UAP1: variants seen among roughly 807,000 people sequenced by gnomAD.
UAP1 encodes the protein UDP-N-acetylhexosamine pyrophosphorylase.
In UAP1, 25 loss-of-function variants were observed where a neutral mutation model predicts 58.5. The ratio of observed to expected loss-of-function variants is 0.43; its 90% CI spans 0.31 to 0.60. The LOEUF is 0.60. Ranked by LOEUF, UAP1 falls within the 20% of genes least tolerant of loss-of-function variation. The pLI is 0.11. For synonymous variants in UAP1, 208 were observed against 213.0 expected (o/e 0.98, Z 0.21); for missense variants, 575 against 630.0 (o/e 0.91, Z 0.93).
chr1:162,599,598 GC>G (rs541671545), exon 11 of UAP1: 40 of 327,846 alleles, frequency 1.2e-4, no homozygotes, highest in Non-Finnish European at 2.2e-4. Flanking sequence ...TTTTTTCCAA[GC>G]CAAGGAGACC....
At chr1:162,600,665 A>G (rs2101858000), downstream of UAP1, among the ~76,000 whole-genome samples, 1 of 150,248 alleles carries the variant, frequency 6.7e-6, no homozygotes, top group South Asian at 2.1e-4. Context: ...TTTTTTGAAG[A>G]GCATGTGATG....
chr1:162,573,804 A>T (rs1654010308), intron 2 of UAP1, among the ~76,000 whole-genome samples: 1 of 152,000 alleles, frequency 6.6e-6, no homozygotes, highest in Admixed American at 6.6e-5. Context: ...TGTCTACTAA[A>T]AATACAAAAA....
intron 5 of UAP1, 129 bp from the exon 6 acceptor site, chr1:162,587,345 GT>G (rs1321404137): frequency 2.5e-6 from 2 of 812,644 alleles, no homozygotes; most frequent in Non-Finnish European, 3.9e-6. Flanking sequence ...ATTGTCTAAA[GT>G]TAAAGATTCT....
intron 2 of UAP1, among the ~76,000 whole-genome samples, chr1:162,569,171 G>A (rs915882802): frequency 3.3e-5 from 5 of 152,184 alleles, no homozygotes; most frequent in Admixed American, 2.6e-4. Context: ...TTATCAAAGC[G>A]AAGAGAAGCC....
chr1:162,589,162 AT>A (rs1293579737), intron 7 of UAP1, among the ~76,000 whole-genome samples: 11 of 104,420 alleles, frequency 1.1e-4, no homozygotes, highest in African/African-American at 1.3e-4. Flanking sequence ...TATATTATAT[AT>A]AATATATAAA....
At chr1:162,596,357 T>G (rs548196181) in intron 9 of UAP1, among the ~76,000 whole-genome samples, 1 of 152,018 alleles carries the variant, frequency 6.6e-6, no homozygotes, top group East Asian at 1.9e-4. Context: ...GTATTTTTAT[T>G]AGAGACAGGG....
exon 2 of UAP1, chr1:162,566,045 A>G: frequency 1.2e-6 from 2 of 1,602,128 alleles, no homozygotes; most frequent in Non-Finnish European, 8.5e-7. Flanking sequence ...CCCTATTTCT[A>G]CAAAGCTTGG....
chr1:162,565,907 A>G (rs1296187348), intron 1 of UAP1, 105 bp from the exon 2 acceptor site: 27 of 730,124 alleles, frequency 3.7e-5, no homozygotes, highest in Non-Finnish European at 5.2e-5. Context: ...GCAGAAGTTA[A>G]TTTTTTTAAC....
intron 2 of UAP1, among the ~76,000 whole-genome samples, chr1:162,571,943 A>C (rs1398871972): frequency 6.6e-6 from 1 of 152,256 alleles, no homozygotes; most frequent in Non-Finnish European, 1.5e-5. Context: ...TTCTCCAGGA[A>C]CTGCTGCCTT....
At chr1:162,575,883 A>G (rs907670009) in intron 2 of UAP1, among the ~76,000 whole-genome samples, 43 of 152,128 alleles carry the variant, frequency 2.8e-4, no homozygotes, top group African/African-American at 9.6e-4. Flanking sequence ...AGGTTTCGCT[A>G]TGTTGGCCAG....
chr1:162,583,946 C>T (rs1654759747), intron 5 of UAP1, among the ~76,000 whole-genome samples: 1 of 152,132 alleles, frequency 6.6e-6, no homozygotes, highest in South Asian at 2.1e-4. Context: ...GGCCAGAGTT[C>T]TAGTACTTTA....
rs577156049 is a variant in UAP1, at chr1:162,580,056, G to T, written c.661+453G>T. On this transcript the variant is annotated intron_variant, in intron 4 of 10. Coordinates refer to ENST00000271469, the Ensembl canonical transcript of UAP1. ...AGTTTTTGTATTTTTTTGTAGAGAAGGGCTTTCGCCATGTTGGCTAGGCTG... is the reference window on the plus strand; with the variant it reads ...AGTTTTTGTATTTTTTTGTAGAGAATGGCTTTCGCCATGTTGGCTAGGCTG... 7.2e-5 allele frequency among the ~76,000 whole-genome samples: 11 copies of T among 152,218 alleles called. No homozygotes were observed. In the South Asian group the frequency reaches 1.5e-3, roughly 20 times the overall value.
At chr1:162,579,363 G>A (rs1654403887) in intron 3 of UAP1, 65 bp from the exon 4 acceptor site, 4 of 1,206,478 alleles carry the variant, frequency 3.3e-6, no homozygotes, top group Non-Finnish European at 3.3e-6. Flanking sequence ...GGAAATAGAC[G>A]AAACTTTATT....
chr1:162,564,939 C>T (rs1195546753), intron 1 of UAP1, among the ~76,000 whole-genome samples: 1 of 152,050 alleles, frequency 6.6e-6, no homozygotes, highest in Non-Finnish European at 1.5e-5. Flanking sequence ...CATGATTACG[C>T]CTCATTGTAG....
intron 10 of UAP1, 65 bp downstream of exon 10, chr1:162,597,923 A>C: frequency 7.0e-7 from 1 of 1,423,104 alleles, no homozygotes; most frequent in Middle Eastern, 1.8e-4. Flanking sequence ...AATAATGAAA[A>C]AGTGGATTTT....
At chr1:162,568,844 C>G (rs1251275292) in intron 2 of UAP1, among the ~76,000 whole-genome samples, 3 of 152,138 alleles carry the variant, frequency 2.0e-5, no homozygotes, top group African/African-American at 7.2e-5. Flanking sequence ...AACACTTTGA[C>G]CTTGTTGGGG....
At chr1:162,563,426 G>T (rs756686407) in intron 1 of UAP1, among the ~76,000 whole-genome samples, 2 of 151,766 alleles carry the variant, frequency 1.3e-5, no homozygotes, top group South Asian at 2.1e-4. Context: ...GTTCAGTGGC[G>T]TGATGTCGGC....
At chr1:162,595,483 A>G (rs1655569434) in intron 9 of UAP1, among the ~76,000 whole-genome samples, 1 of 151,964 alleles carries the variant, frequency 6.6e-6, no homozygotes, top group Non-Finnish European at 1.5e-5. Context: ...GAAGGTCTGG[A>G]CTAGACCTCT....
At chr1:162,589,199 TTA>T (rs1491290086) in intron 7 of UAP1, among the ~76,000 whole-genome samples, 52 of 55,280 alleles carry the variant, frequency 9.4e-4, no homozygotes, top group African/African-American at 2.9e-3. Flanking sequence ...ATATTATATA[TTA>T]TATTTAAATA....
Sources: allele counts gnomAD v4.1 joint callset (sites outside exome capture counted in the v4.1 genomes callset), GRCh38; gene constraint gnomAD v4.1.1; transcripts MANE v1.5; gene names NCBI Gene and HGNC (gene_info 2026-07-23, HGNC 2026-07-21).